AK9: variants seen among roughly 807,000 people sequenced by gnomAD.
AK9 encodes adenylate kinase 9.
Under a neutral mutation model 239.6 loss-of-function variants are expected in AK9, and 191 were observed. The ratio of observed to expected loss-of-function variants is 0.80; its 90% CI spans 0.71 to 0.90. The LOEUF is 0.90. Among genes scored for constraint, AK9 ranks in the 40% least tolerant of loss-of-function variants. The pLI, the probability that AK9 is intolerant of heterozygous loss-of-function variation, is 0.00. For synonymous variants in AK9, 689 were observed against 721.0 expected (o/e 0.96, Z 0.71); for missense variants, 1,995 against 2,214.7 (o/e 0.90, Z 1.99).
intron 13 of AK9, among the ~76,000 whole-genome samples, chr6:109,616,447 A>G (rs547966021): frequency 2.0e-5 from 3 of 150,914 alleles, no homozygotes; most frequent in African/African-American, 4.9e-5. Flanking sequence ...ATGTGATCAT[A>G]GCTTACTGCA....
chr6:109,671,977 A>T lies in AK9; in HGVS notation c.273T>A (p.Asp91Glu). Reference sequence around the variant, plus strand: ...CCAACATTAGCTTTATGACAAGTTCATCTGGAATGCTTTGACCGCTGATCA... The same window carrying T: ...CCAACATTAGCTTTATGACAAGTTCTTCTGGAATGCTTTGACCGCTGATCA... ...SMLISGQSIP[D>E]ELVIKLMLEK... The change falls in exon 5 of 41, where the codon GAT becomes GAA. Residue 91 changes from aspartate (D) to glutamate (E), a missense_variant. Around this residue, in one of 5 missense-constraint regions of AK9, gnomAD observed 252 missense variants for 246.4 expected, o/e 1.02. Transcript: ENST00000424296. 6.2e-7 allele frequency: 1 copy of T among 1,614,058 alleles called. No homozygotes were observed. Among genetic ancestry groups the T allele is most frequent in the Non-Finnish European group, 8.5e-7 (1 of 1,179,960 alleles).
intron 16 of AK9, among the ~76,000 whole-genome samples, chr6:109,610,771 G>A (rs1383187152): frequency 6.6e-6 from 1 of 152,156 alleles, no homozygotes; most frequent in East Asian, 1.9e-4. Context: ...AGAAAGTCAT[G>A]TCTGGCAGGA....
intron 28 of AK9, among the ~76,000 whole-genome samples, chr6:109,532,877 G>A (rs1781467120): frequency 6.6e-6 from 1 of 152,116 alleles, no homozygotes; most frequent in Non-Finnish European, 1.5e-5. Context: ...TTTCACTATA[G>A]GCTCACATGT....
chr6:109,513,782 T>C (rs1216706666), intron 32 of AK9, among the ~76,000 whole-genome samples: 3 of 152,196 alleles, frequency 2.0e-5, no homozygotes, highest in Non-Finnish European at 4.4e-5. Flanking sequence ...GGATTTCTGA[T>C]GTCAGATGCA....
chr6:109,614,225 C>T lies in AK9; in HGVS notation c.1567G>A (p.Glu523Lys). 1.3e-6 allele frequency: 2 copies of T among 1,551,360 alleles called. No homozygotes were observed. Among genetic ancestry groups the T allele is most frequent in the Non-Finnish European group, 1.7e-6 (2 of 1,146,752 alleles). ...GCAGCTTGATCATGGAGGACATTTT[C>T]TGACTTTGTTTTGGCTTCTTCGGTG... ...VDTEEAKTKS[E>K]NVLHDQAAKV... Residue 523 changes from glutamate to lysine, a missense_variant, in exon 15 of 41, where the codon GAA (glutamate) becomes AAA (lysine). Transcript: ENST00000424296.
intron 17 of AK9, among the ~76,000 whole-genome samples, chr6:109,586,469 C>A (rs987860784): frequency 1.3e-5 from 2 of 152,244 alleles, no homozygotes; most frequent in African/African-American, 4.8e-5. Context: ...TATAATAATA[C>A]ATTTTTGCTA....
At chr6:109,541,929 C>T in intron 27 of AK9, 118 bp downstream of exon 27, 1 of 902,312 alleles carries the variant, frequency 1.1e-6, no homozygotes. Context: ...GAAAAATCAC[C>T]AGCTTACATG....
intron 16 of AK9, 99 bp from the exon 17 acceptor site, chr6:109,610,612 T>C: frequency 7.8e-7 from 1 of 1,280,036 alleles, no homozygotes; most frequent in Non-Finnish European, 1.1e-6. Context: ...CCCAAGAAAG[T>C]ATTATTTTCA....
intron 20 of AK9, among the ~76,000 whole-genome samples, chr6:109,574,595 T>C (rs556338025): frequency 2.0e-5 from 3 of 152,314 alleles, no homozygotes; most frequent in East Asian, 3.9e-4. Context: ...AGTTAAATGT[T>C]AGTGAAAATA....
intron 1 of AK9, among the ~76,000 whole-genome samples, chr6:109,677,463 C>T (rs1227714620): frequency 2.0e-5 from 3 of 151,472 alleles, no homozygotes; most frequent in Admixed American, 6.6e-5. Context: ...TATTTTTGGG[C>T]GAAAGGATTT....
intron 8 of AK9, among the ~76,000 whole-genome samples, chr6:109,651,849 A>G (rs575138459): frequency 6.6e-6 from 1 of 152,280 alleles, no homozygotes; most frequent in Admixed American, 6.5e-5. Flanking sequence ...CCAAGACTAA[A>G]CCAGGAAGAA....
chr6:109,667,062 G>T (rs1319141038), intron 5 of AK9, among the ~76,000 whole-genome samples: 1 of 152,166 alleles, frequency 6.6e-6, no homozygotes, highest in Non-Finnish European at 1.5e-5. Context: ...CCGAGAAGCT[G>T]ATTTTGGCTA....
intron 17 of AK9, among the ~76,000 whole-genome samples, chr6:109,587,693 A>C (rs1246800337): frequency 6.6e-6 from 1 of 152,322 alleles, no homozygotes; most frequent in South Asian, 2.1e-4. Context: ...TTCATTCTTC[A>C]CTAATGAACA....
At chr6:109,580,717 ATCCTGTGT>A (rs754742767) in intron 19 of AK9, among the ~76,000 whole-genome samples, 1 of 152,110 alleles carries the variant, frequency 6.6e-6, no homozygotes, top group Non-Finnish European at 1.5e-5. Context: ...TGCATTCCAA[ATCCTGTGT>A]TCCTGCCGGA....
At chr6:109,515,002 C>A (rs1779127644) in intron 31 of AK9, among the ~76,000 whole-genome samples, 1 of 152,110 alleles carries the variant, frequency 6.6e-6, no homozygotes, top group South Asian at 2.1e-4. Context: ...CAGAAAAGGC[C>A]ACGTGGGGAC....
At chr6:109,618,941 A>C in intron 13 of AK9, 151 bp downstream of exon 13, 1 of 834,578 alleles carries the variant, frequency 1.2e-6, no homozygotes, top group Admixed American at 3.4e-5. Context: ...GAATTGGTTT[A>C]TGTACATCCA....
chr6:109,600,439 T>C (rs111933953), intron 17 of AK9, among the ~76,000 whole-genome samples: 9 of 152,330 alleles, frequency 5.9e-5, no homozygotes, highest in African/African-American at 2.2e-4. Context: ...CACTTGATCA[T>C]GGTGGATAAG....
intron 1 of AK9, among the ~76,000 whole-genome samples, chr6:109,685,267 G>A (rs1175606971): frequency 1.3e-5 from 2 of 152,054 alleles, no homozygotes; most frequent in Non-Finnish European, 2.9e-5. Context: ...CTACTATAAA[G>A]ACACATGCAC....
At chr6:109,657,874 C>T (rs537532269) in intron 7 of AK9, among the ~76,000 whole-genome samples, 7 of 152,204 alleles carry the variant, frequency 4.6e-5, no homozygotes, top group African/African-American at 1.7e-4. Flanking sequence ...CAGGGCCTGG[C>T]ACAGGATAAG....
Sources: gnomAD v4.1 joint callset for allele counts (sites outside exome capture counted in the v4.1 genomes callset) on GRCh38, gnomAD v4.1.1 for gene constraint, gnomAD v4.1.1 regional missense constraint, MANE v1.5 for transcripts, NCBI Gene and HGNC (gene_info 2026-07-23, HGNC 2026-07-21) for gene names.